The following MYO5C variants were observed in gnomAD, a reference collection of about 807,000 sequenced individuals.
MYO5C encodes myosin VC.
Under a neutral mutation model 235.7 loss-of-function variants are expected in MYO5C, and 194 were observed. The observed-to-expected ratio is 0.82, with a 90% confidence interval of 0.73 to 0.93. MYO5C has a LOEUF of 0.93. Among genes scored for constraint, MYO5C ranks in the 40% least tolerant of loss-of-function variants. MYO5C has a pLI of 0.00. For missense variants in MYO5C, 2,038 were observed against 2,127.2 expected (o/e 0.96, Z 0.82); for synonymous variants, 707 against 754.8 (o/e 0.94, Z 1.04).
intron 4 of MYO5C, 30 bp from the exon 5 acceptor site, chr15:52,275,748 G>C (rs769870762): frequency 6.2e-7 from 1 of 1,609,720 alleles, no homozygotes; most frequent in South Asian, 1.1e-5. Flanking sequence ...TCAAATATTA[G>C]TTTCTTCCCA....
intron 32 of MYO5C, among the ~76,000 whole-genome samples, chr15:52,215,892 A>G (rs1431540169): frequency 9.2e-5 from 14 of 152,230 alleles, no homozygotes; most frequent in Non-Finnish European, 1.5e-4. Context: ...ATTATATCAT[A>G]CAACAATTTA....
chr15:52,240,553 AG>A (rs1566975293), intron 20 of MYO5C, among the ~76,000 whole-genome samples: 1 of 124,906 alleles, frequency 8.0e-6, no homozygotes, highest in African/African-American at 2.7e-5. Flanking sequence ...AAAAAGAAAA[AG>A]AAGAAAAAAG....
chr15:52,262,412 A>G (rs1288755850), intron 9 of MYO5C, among the ~76,000 whole-genome samples: 5 of 152,172 alleles, frequency 3.3e-5, no homozygotes, highest in African/African-American at 7.2e-5. Context: ...TTTGTTGGGT[A>G]GAAATCACAT....
At position 52,208,679 on chromosome 15, in the gene MYO5C, T is replaced by C. The variant is rs759687127; in HGVS notation, c.4297-36A>G. The C allele has an allele frequency of 2.6e-6, 4 of 1,567,136 alleles. No individual in the cohort carries two copies. The East Asian group carries it at 9.0e-5, about 35-fold the overall frequency. On this transcript the variant is annotated intron_variant, in intron 35 of 40. Coordinates refer to ENST00000261839, the MANE Select transcript of MYO5C (RefSeq NM_018728.4). ...TAAGAAAAGACAAAATTGGTCTTGA[T>C]GATTACTTGTACCTCTGAGCATTTA...
intron 8 of MYO5C, among the ~76,000 whole-genome samples, chr15:52,267,548 C>T (rs1450526886): frequency 7.2e-5 from 11 of 152,000 alleles, no homozygotes; most frequent in Admixed American, 4.6e-4. Context: ...TAGCTGGGGG[C>T]GGTGGCATGT....
In MYO5C at chr15:52,225,210, G is replaced by T. The variant is rs1010547840; in HGVS notation, c.3302-72C>A. On this transcript the variant is annotated intron_variant, in intron 26 of 40. Coordinates refer to ENST00000261839, the MANE Select transcript of MYO5C (RefSeq NM_018728.4). ...TATCTTTTCCCATTCCCTTTCCAGGGCCCAGTTTTCTAGCTTCACAGTCTC... is the reference window on the plus strand; with the variant it reads ...TATCTTTTCCCATTCCCTTTCCAGGTCCCAGTTTTCTAGCTTCACAGTCTC... The T allele has an allele frequency of 2.6e-6, 4 of 1,534,638 alleles. No individual in the cohort carries two copies. In the African/African-American group the frequency reaches 5.5e-5, roughly 21 times the overall value.
At chr15:52,269,914 C>T in intron 7 of MYO5C, 54 bp from the exon 8 acceptor site, 1 of 1,206,764 alleles carries the variant, frequency 8.3e-7, no homozygotes, top group Non-Finnish European at 1.2e-6. Context: ...TTTGGACATA[C>T]ACATTTATCA....
intron 1 of MYO5C, among the ~76,000 whole-genome samples, chr15:52,287,858 C>G (rs1052806815): frequency 2.6e-5 from 4 of 152,118 alleles, no homozygotes; most frequent in African/African-American, 7.2e-5. Flanking sequence ...TGCCTCTAAC[C>G]CCAGCTACTT....
chr15:52,263,443 A>G (rs1374956782), intron 9 of MYO5C, among the ~76,000 whole-genome samples: 1 of 152,152 alleles, frequency 6.6e-6, no homozygotes, highest in Non-Finnish European at 1.5e-5. Flanking sequence ...AGCCAGCACC[A>G]CTGATGTCTG....
rs565094440 is a variant in MYO5C at position 52,216,417 on chromosome 15, G to T, written c.3955-1727C>A. On this transcript the variant is annotated intron_variant, in intron 32 of 40. Transcript: ENST00000261839. ...CCTTGTAGAGATGGGGTCTCACTAC[G>T]TTGCCCTGGCTGGTTGAACTCCTGG... is the stretch of plus-strand genomic sequence containing the variant. Among the ~76,000 whole-genome samples, 58 of 152,118 alleles carry T rather than the reference G, an allele frequency of 3.8e-4. 1 individual carries two copies. The South Asian group carries it at 7.9e-3, about 21-fold the overall frequency.
At chr15:52,279,443 G>C in intron 3 of MYO5C, 66 bp downstream of exon 3, 2 of 1,525,822 alleles carry the variant, frequency 1.3e-6, no homozygotes, top group African/African-American at 1.4e-5. Flanking sequence ...AAAACAACCA[G>C]GAGGCTCTAG....
chr15:52,229,497 G>A (rs1480766173), intron 24 of MYO5C, among the ~76,000 whole-genome samples, 184 bp from the exon 25 acceptor site: 1 of 152,024 alleles, frequency 6.6e-6, no homozygotes. Context: ...GGTGGAGCAC[G>A]CCTGTAGTCC....
In MYO5C at chr15:52,229,362, A is replaced by C. The variant is rs1182709284; in HGVS notation, c.3027-49T>G. ...ATTTAGAGCTGAGCATGGTGGCTGA[A>C]ACCTGTAATCCCAGCACTTTGGGAG... On this transcript the variant is annotated intron_variant, in intron 24 of 40. Transcript: ENST00000261839. 3 of 1,575,554 alleles carry C rather than the reference A, an allele frequency of 1.9e-6. No individual in the cohort carries two copies. The East Asian group carries it at 6.7e-5, about 35-fold the overall frequency.
chr15:52,252,807 T>C (rs1312124509), intron 12 of MYO5C, among the ~76,000 whole-genome samples: 2 of 152,024 alleles, frequency 1.3e-5, no homozygotes, highest in Non-Finnish European at 2.9e-5. Context: ...CCCCGAAACC[T>C]TATTAATCCT....
At chr15:52,244,606 T>C (rs2036299564) in intron 18 of MYO5C, 39 bp from the exon 19 acceptor site, 1 of 1,422,834 alleles carries the variant, frequency 7.0e-7, no homozygotes, top group Non-Finnish European at 9.8e-7. Context: ...TTAAAATCTG[T>C]CAGATTTTCT....
At chr15:52,249,278 C>A (rs568407253) in intron 13 of MYO5C, among the ~76,000 whole-genome samples, 4 of 152,250 alleles carry the variant, frequency 2.6e-5, no homozygotes, top group African/African-American at 9.6e-5. Flanking sequence ...AGTGGGTCAA[C>A]CTTTGCACTG....
chr15:52,201,010 C>T (rs2035175488), intron 38 of MYO5C, among the ~76,000 whole-genome samples: 1 of 151,986 alleles, frequency 6.6e-6, no homozygotes, highest in African/African-American at 2.4e-5. Context: ...AAGAAAAGAA[C>T]TAAGAAAAAG....
rs2037490510 is a variant in MYO5C, at chr15:52,295,744, G to A, written c.-108C>T. On this transcript the variant is annotated 5_prime_UTR_variant, in exon 1 of 41. Transcript: ENST00000261839. ...AGGAGAGACCGCCGCGGAAATCACC[G>A]CCGGGCCATCTTGCCCAAAGTTTTC... 5.3e-6 allele frequency: 4 copies of A among 755,680 alleles called. No individual in the cohort carries two copies. Among genetic ancestry groups the A allele is most frequent in the Non-Finnish European group, 7.6e-6 (4 of 529,352 alleles). The allele number at this position is 755,680 out of a possible 1,614,324, so 46.8% of individuals were successfully genotyped here. A position where few individuals can be genotyped will look rare whatever the true frequency, so the allele number is the denominator to read the frequency against.
At position 52,193,974 on chromosome 15, in the gene MYO5C, G is replaced by T; in HGVS notation, c.5157C>A (p.Thr1719=). The T allele has an allele frequency of 6.2e-7, 1 of 1,613,584 alleles. No individual in the cohort carries two copies. The highest frequency in any genetic ancestry group is 1.1e-5 in the South Asian group (1 of 90,960). The change falls in exon 41 of 41, where the codon ACC becomes ACA. Residue 1719 remains threonine, a synonymous_variant. Transcript: ENST00000261839. ...TCATTTCCAGAGCATGTGGAGAGGG[G>T]GTAAAAGGAAATGTGACTTGAAAGA... is the stretch of plus-strand genomic sequence containing the variant. The part of the protein sequence containing the change: ...KYLFQVTFPF[T]PSPHALEMIQ...
Sources: gnomAD v4.1 joint callset for allele counts (sites outside exome capture counted in the v4.1 genomes callset) on GRCh38, gnomAD v4.1.1 for gene constraint, MANE v1.5 for transcripts, NCBI Gene and HGNC (gene_info 2026-07-23, HGNC 2026-07-21) for gene names.